NEGR1: variants seen among roughly 807,000 people sequenced by gnomAD.
The protein encoded by NEGR1 is neuronal growth regulator 1.
NEGR1 carries 10 observed loss-of-function variants against 40.9 expected under a neutral mutation model. The observed-to-expected ratio is 0.24, with a 90% CI of 0.15 to 0.42. NEGR1 has a LOEUF of 0.42. Among genes scored for constraint, NEGR1 ranks in the 10% least tolerant of loss-of-function variants. The probability of loss-of-function intolerance (pLI) is 1.00; values close to 1 mark genes in which losing one functional copy is unlikely to be tolerated. For synonymous variants in NEGR1, 185 were observed against 166.8 expected (o/e 1.11, Z -0.84); for missense variants, 352 against 438.9 (o/e 0.80, Z 1.77).
At chr1:71,562,499 A>G (rs184142322) in intron 6 of NEGR1, among the ~76,000 whole-genome samples, 1 of 151,868 alleles carries the variant, frequency 6.6e-6, no homozygotes, top group Non-Finnish European at 1.5e-5. Flanking sequence ...TTTTCATTCC[A>G]ACTTGAGAAG....
chr1:72,233,977 T>TA (rs373516065), intron 1 of NEGR1, among the ~76,000 whole-genome samples: 28 of 152,132 alleles, frequency 1.8e-4, no homozygotes, highest in Admixed American at 2.6e-4. Flanking sequence ...TTTTTTACCT[T>TA]AAAAAAAATT....
chr1:72,048,263 A>C (rs868155557), intron 1 of NEGR1, among the ~76,000 whole-genome samples: 8 of 151,666 alleles, frequency 5.3e-5, no homozygotes, highest in Non-Finnish European at 1.2e-4. Flanking sequence ...TTAAACTAAC[A>C]TTACCTTACA....
intron 1 of NEGR1, among the ~76,000 whole-genome samples, chr1:72,163,242 C>T (rs549428461): frequency 2.5e-4 from 38 of 152,082 alleles, no homozygotes; most frequent in African/African-American, 8.2e-4. Context: ...TAATATATAA[C>T]GTAAATAAGG....
intron 6 of NEGR1, among the ~76,000 whole-genome samples, chr1:71,531,649 T>A (rs1569993716): frequency 6.6e-6 from 1 of 151,456 alleles, no homozygotes; most frequent in East Asian, 2.0e-4. Context: ...CTAACCCCTG[T>A]AAAATGGGAA....
chr1:71,928,073 T>C lies in NEGR1; in HGVS notation c.409+7006A>G, dbSNP rs562160130. ...ACGTATATATATACACACACACATA[T>C]GTACATATATGTATATATACACACA... is the stretch of plus-strand genomic sequence containing the variant. On this transcript the variant is annotated intron_variant, in intron 2 of 6. Coordinates refer to ENST00000357731, the MANE Select transcript of NEGR1 (RefSeq NM_173808.3). Among the ~76,000 whole-genome samples, 5 of 111,318 alleles carry C rather than the reference T, an allele frequency of 4.5e-5. 1 individual carries two copies. Among genetic ancestry groups the C allele is most frequent in the African/African-American group, 7.0e-5 (2 of 28,714 alleles). The allele number at this position is 111,318 out of a possible 152,430, so 73.0% of individuals were successfully genotyped here.
intron 2 of NEGR1, among the ~76,000 whole-genome samples, chr1:71,853,832 G>A (rs887867142): frequency 6.6e-6 from 1 of 152,100 alleles, no homozygotes; most frequent in Non-Finnish European, 1.5e-5. Context: ...CATTTATAAA[G>A]CGGTTCTCAC....
intron 2 of NEGR1, among the ~76,000 whole-genome samples, chr1:71,920,039 T>C (rs1159307635): frequency 1.3e-5 from 2 of 152,142 alleles, no homozygotes; most frequent in Non-Finnish European, 2.9e-5. Context: ...CAGTCAGCAG[T>C]TGAGCTCAGC....
chr1:71,644,659 A>C lies in NEGR1; in HGVS notation c.668-33513T>G, dbSNP rs554066739. Among the ~76,000 whole-genome samples the C allele has an allele frequency of 1.9e-3, 294 of 152,088 alleles. 2 individuals carry two copies. Among genetic ancestry groups the C allele is most frequent in the African/African-American group, 6.8e-3 (282 of 41,510 alleles). ...GAATGCAACTTAAATACATGCTTCA[A>C]TTTCTGTGTATTTCAAATGAAAATG... is the stretch of plus-strand genomic sequence containing the variant. On this transcript the variant is annotated intron_variant, in intron 4 of 6. Transcript: ENST00000357731.
intron 3 of NEGR1, among the ~76,000 whole-genome samples, chr1:71,722,718 A>T (rs1220329598): frequency 7.2e-6 from 1 of 139,746 alleles, no homozygotes; most frequent in African/African-American, 3.3e-5. Context: ...ATTGGCATAC[A>T]TTTTTTTTAT....
chr1:72,048,707 G>A (rs1427363061), intron 1 of NEGR1, among the ~76,000 whole-genome samples: 2 of 151,590 alleles, frequency 1.3e-5, no homozygotes, highest in African/African-American at 4.8e-5. Context: ...TTCTCAACCT[G>A]TGGTGATTAA....
chr1:71,752,039 T>C (rs1419891848), intron 3 of NEGR1, among the ~76,000 whole-genome samples: 1 of 152,210 alleles, frequency 6.6e-6, no homozygotes, highest in African/African-American at 2.4e-5. Flanking sequence ...AGAAAAAATG[T>C]AGAAACATTT....
At chr1:72,209,729 A>G (rs1357547720) in intron 1 of NEGR1, among the ~76,000 whole-genome samples, 2 of 151,834 alleles carry the variant, frequency 1.3e-5, no homozygotes, top group Admixed American at 1.3e-4. Context: ...TTGAATTCAT[A>G]GACTCTGGAG....
chr1:71,888,189 T>G (rs1660783687), intron 2 of NEGR1, among the ~76,000 whole-genome samples: 2 of 152,140 alleles, frequency 1.3e-5, no homozygotes, highest in Non-Finnish European at 1.5e-5. Flanking sequence ...GAAACTGATT[T>G]AGAATGGAGA....
At chr1:71,895,410 T>C (rs957906132) in intron 2 of NEGR1, among the ~76,000 whole-genome samples, 1 of 152,188 alleles carries the variant, frequency 6.6e-6, no homozygotes, top group Non-Finnish European at 1.5e-5. Flanking sequence ...CATATTTTCA[T>C]CACTCCCAAA....
chr1:72,245,967 A>T (rs1181621540), intron 1 of NEGR1, among the ~76,000 whole-genome samples: 1 of 152,150 alleles, frequency 6.6e-6, no homozygotes, highest in East Asian at 1.9e-4. Context: ...TACAACATTT[A>T]AAAAATATCT....
intron 1 of NEGR1, among the ~76,000 whole-genome samples, chr1:72,172,457 T>C (rs1651997751): frequency 6.6e-6 from 1 of 152,150 alleles, no homozygotes. Flanking sequence ...GACATGATTG[T>C]CTTCTCCATA....
intron 2 of NEGR1, among the ~76,000 whole-genome samples, chr1:71,800,249 C>G (rs1387251215): frequency 6.6e-6 from 1 of 151,890 alleles, no homozygotes; most frequent in Non-Finnish European, 1.5e-5. Flanking sequence ...GGATATTAGC[C>G]CTTTGTCAGA....
At chr1:71,951,888 T>C (rs1032058598) in intron 1 of NEGR1, among the ~76,000 whole-genome samples, 3 of 151,978 alleles carry the variant, frequency 2.0e-5, no homozygotes, top group East Asian at 1.9e-4. Context: ...TGGTGGTCCA[T>C]AATCAGTTAT....
chr1:71,845,298 C>T (rs975227379), intron 2 of NEGR1, among the ~76,000 whole-genome samples: 7 of 151,560 alleles, frequency 4.6e-5, no homozygotes, highest in Admixed American at 1.3e-4. Flanking sequence ...TAAATAGTAA[C>T]CAATTTGTGC....
Sources: gnomAD v4.1 joint callset for allele counts (sites outside exome capture counted in the v4.1 genomes callset) on GRCh38, gnomAD v4.1.1 for gene constraint, MANE v1.5 for transcripts, NCBI Gene and HGNC (gene_info 2026-07-23, HGNC 2026-07-21) for gene names.